The following ADAM10 variants were observed in gnomAD, a reference collection of about 807,000 sequenced individuals.
ADAM10 encodes the protein ADAM metallopeptidase domain 10, also known as disintegrin and metalloproteinase domain-containing protein 10.
In ADAM10, 17 loss-of-function variants were observed where a neutral mutation model predicts 90.1. The observed-to-expected ratio is 0.19, with a 90% CI of 0.13 to 0.28. The LOEUF (loss-of-function observed/expected upper bound fraction) is 0.28, where lower values mean the gene tolerates loss of function less well. Ranked by LOEUF, ADAM10 falls within the 10% of genes least tolerant of loss-of-function variation. ADAM10 has a pLI of 1.00. For synonymous variants in ADAM10, 310 were observed against 298.6 expected (o/e 1.04, Z -0.40); for missense variants, 610 against 914.3 (o/e 0.67, Z 4.29).
At chr15:58,634,181 C>T (rs565974648) in intron 8 of ADAM10, among the ~76,000 whole-genome samples, 3 of 151,694 alleles carry the variant, frequency 2.0e-5, no homozygotes, top group African/African-American at 7.3e-5. Context: ...TGTGGTGGTG[C>T]ACACCTGTAA....
chr15:58,740,234 A>AC, intron 1 of ADAM10, among the ~76,000 whole-genome samples: 1 of 152,134 alleles, frequency 6.6e-6, no homozygotes, highest in African/African-American at 2.4e-5. Flanking sequence ...ACATGGTGAA[A>AC]CCCCGTCTCT....
chr15:58,659,692 T>C (rs1379902256), intron 5 of ADAM10, among the ~76,000 whole-genome samples: 1 of 152,210 alleles, frequency 6.6e-6, no homozygotes, highest in Non-Finnish European at 1.5e-5. Context: ...GGTATGACTA[T>C]CAAAGTAACA....
intron 2 of ADAM10, among the ~76,000 whole-genome samples, chr15:58,690,514 T>C (rs766234331): frequency 6.6e-5 from 10 of 152,004 alleles, no homozygotes; most frequent in Non-Finnish European, 1.5e-4. Flanking sequence ...CAGAACAAAA[T>C]AAACAACAAC....
At chr15:58,677,768 C>T (rs544813741) in intron 4 of ADAM10, among the ~76,000 whole-genome samples, 1 of 152,282 alleles carries the variant, frequency 6.6e-6, no homozygotes, top group Non-Finnish European at 1.5e-5. Context: ...TTTGATAAAA[C>T]ATTCTAGAAA....
intron 1 of ADAM10, chr15:58,749,111 C>T: frequency 2.5e-6 from 1 of 397,996 alleles, no homozygotes; most frequent in Non-Finnish European, 4.4e-6. Flanking sequence ...CGGCTGCCTG[C>T]ACCGGCGCCC....
At chr15:58,635,447 G>A (rs1320118202) in intron 8 of ADAM10, among the ~76,000 whole-genome samples, 1 of 151,862 alleles carries the variant, frequency 6.6e-6, no homozygotes, top group Non-Finnish European at 1.5e-5. Flanking sequence ...ACCCAGCAAG[G>A]GGTTGAGAAC....
At chr15:58,703,327 T>C (rs1450749872) in intron 2 of ADAM10, among the ~76,000 whole-genome samples, 5 of 139,506 alleles carry the variant, frequency 3.6e-5, no homozygotes, top group African/African-American at 1.3e-4. Flanking sequence ...AGAAATACCA[T>C]ATGATCCAAC....
intron 9 of ADAM10, among the ~76,000 whole-genome samples, chr15:58,629,765 T>A (rs1262096570): frequency 1.3e-5 from 2 of 150,188 alleles, no homozygotes; most frequent in Non-Finnish European, 2.9e-5. Flanking sequence ...GACTATACCA[T>A]GTGTACAGTT....
chr15:58,736,090 T>C (rs1317129532), intron 1 of ADAM10, among the ~76,000 whole-genome samples: 1 of 152,202 alleles, frequency 6.6e-6, no homozygotes, highest in Non-Finnish European at 1.5e-5. Context: ...GATGGATGAT[T>C]AATTTTCCTC....
chr15:58,749,098 C>A (rs1277154197), intron 1 of ADAM10: 4 of 398,138 alleles, frequency 1.0e-5, no homozygotes, highest in Non-Finnish European at 1.8e-5. Context: ...GCCAGCCTCG[C>A]TGCGGCTGCC....
chr15:58,694,181 G>A (rs1482192779), intron 2 of ADAM10, among the ~76,000 whole-genome samples: 1 of 152,148 alleles, frequency 6.6e-6, no homozygotes, highest in Non-Finnish European at 1.5e-5. Context: ...CAGGCACAGT[G>A]GCTCATGCCT....
intron 2 of ADAM10, among the ~76,000 whole-genome samples, chr15:58,716,900 G>A (rs1396593536): frequency 6.6e-6 from 1 of 151,680 alleles, no homozygotes; most frequent in Admixed American, 6.6e-5. Context: ...AACAGATAGA[G>A]AAAAAATAAG....
chr15:58,687,753 A>G (rs574695469), intron 2 of ADAM10, among the ~76,000 whole-genome samples: 1 of 152,352 alleles, frequency 6.6e-6, no homozygotes, highest in Non-Finnish European at 1.5e-5. Flanking sequence ...TAAACACAAC[A>G]ATTTGTACAA....
chr15:58,596,350 A>G lies in ADAM10; in HGVS notation c.*1197T>C, dbSNP rs1894949848. On this transcript the variant is annotated 3_prime_UTR_variant, in exon 16 of 16. Transcript: ENST00000260408. ...AATTATTTACATCTGTTTCAAAAAT[A>G]AATTTGGAATGGGACATTGTGCTGT... 6.6e-6 allele frequency: 1 copy of G among 152,618 alleles called. No homozygotes were observed. The highest frequency in any genetic ancestry group is 2.1e-4 in the South Asian group (1 of 4,828). The allele number at this position is 152,618 out of a possible 1,614,324, so 9.5% of individuals were successfully genotyped here. A position where few individuals can be genotyped will look rare whatever the true frequency, so the allele number is the denominator to read the frequency against.
At chr15:58,666,656 T>C (rs1423027707) in intron 4 of ADAM10, among the ~76,000 whole-genome samples, 3 of 152,092 alleles carry the variant, frequency 2.0e-5, no homozygotes, top group Non-Finnish European at 2.9e-5. Flanking sequence ...CATTGGTTAT[T>C]AATGTATAGG....
chr15:58,735,104 T>C (rs1899386191), intron 1 of ADAM10, among the ~76,000 whole-genome samples: 1 of 152,180 alleles, frequency 6.6e-6, no homozygotes, highest in Non-Finnish European at 1.5e-5. Context: ...CACTGAAACA[T>C]GTTAACTATT....
At position 58,593,220 on chromosome 15, in the gene ADAM10, C is replaced by A. The variant is rs1447361547; in HGVS notation, c.*4327G>T. ...TTTGAGACAGAGTCTCGCTCTGTCA[C>A]CCAGGCTGGAGTGCAATGGCGCAAT... On this transcript the variant is annotated 3_prime_UTR_variant, in exon 16 of 16. Transcript: ENST00000260408. The A allele has an allele frequency of 2.7e-5, 3 of 112,526 alleles. No homozygotes were observed. Among genetic ancestry groups the A allele is most frequent in the African/African-American group, 1.0e-4 (3 of 28,982 alleles). 7.0% of individuals were successfully genotyped at this position (112,526 alleles called of 1,614,324 possible).
chr15:58,610,641 C>T (rs1895413221), intron 13 of ADAM10, 124 bp from the exon 14 acceptor site: 2 of 919,502 alleles, frequency 2.2e-6, no homozygotes, highest in Non-Finnish European at 3.4e-6. Context: ...ACATGTTATA[C>T]AGACCTTCTC....
chr15:58,656,983 T>A (rs985492599), intron 5 of ADAM10, among the ~76,000 whole-genome samples: 1 of 152,216 alleles, frequency 6.6e-6, no homozygotes, highest in African/African-American at 2.4e-5. Context: ...GGATAAAAAA[T>A]TTTTTCCTTC....
Sources: gnomAD v4.1 joint callset for allele counts (sites outside exome capture counted in the v4.1 genomes callset) on GRCh38, gnomAD v4.1.1 for gene constraint, MANE v1.5 for transcripts, NCBI Gene and HGNC (gene_info 2026-07-23, HGNC 2026-07-21) for gene names.